SERPINA3: variants seen among roughly 807,000 people sequenced by gnomAD.
SERPINA3 encodes the protein alpha-1-antichymotrypsin.
SERPINA3 carries 32 observed loss-of-function variants against 26.8 expected under a neutral mutation model. That is an observed-to-expected ratio of 1.20 (90% CI 0.90 to 1.61). SERPINA3 has a LOEUF of 1.61. SERPINA3 is among the 40% of genes most tolerant of loss of function. The probability of loss-of-function intolerance (pLI) is 0.00; values close to 1 mark genes in which losing one functional copy is unlikely to be tolerated. For missense variants in SERPINA3, 632 were observed against 517.9 expected (o/e 1.22, Z -2.14); for synonymous variants, 252 against 206.4 (o/e 1.22, Z -1.89).
rs1298654384 is a variant in SERPINA3, at chr14:94,614,796, T to A, written c.355T>A (p.Phe119Ile). Residue 119 changes from phenylalanine to isoleucine, a missense_variant, in exon 2 of 5, where the codon TTC becomes ATC. Physicochemically the swap from Phe to Ile is conservative, Grantham distance 21. Coordinates refer to ENST00000393078, the MANE Select transcript of SERPINA3 (RefSeq NM_001085.5). ...ETSEAEIHQS[F>I]QHLLRTLNQS... ...TTCTGAGGCAGAAATTCACCAGAGC[T>A]TCCAGCACCTCCTGCGCACCCTCAA... 3 of 1,614,138 alleles carry A rather than the reference T, an allele frequency of 1.9e-6. No individual in the cohort carries two copies. Among genetic ancestry groups the A allele is most frequent in the Non-Finnish European group, 2.5e-6 (3 of 1,180,024 alleles).
At chr14:94,613,657 T>TG (rs1187901251) in intron 1 of SERPINA3, 3 of 152,220 alleles carry the variant, frequency 2.0e-5, no homozygotes, top group African/African-American at 7.2e-5. Flanking sequence ...AGTCCAAGTC[T>TG]GGGAGACTCC....
chr14:94,623,524 C>A, intron 4 of SERPINA3, 87 bp from the exon 5 acceptor site: 1 of 1,229,988 alleles, frequency 8.1e-7, no homozygotes, highest in Non-Finnish European at 1.2e-6. Context: ...GCTCAATGCA[C>A]ATTAGACCCC....
At chr14:94,613,159 C>T (rs1885846839) in intron 1 of SERPINA3, among the ~76,000 whole-genome samples, 1 of 143,882 alleles carries the variant, frequency 7.0e-6, no homozygotes, top group African/African-American at 2.9e-5. Flanking sequence ...CCACTGGCCT[C>T]CCCTCCTTCC....
Position 94,614,991 on chromosome 14 carries a change from G to A in SERPINA3, c.550G>A (p.Val184Met), listed in dbSNP as rs542255755. ...AAAKKLINDY[V>M]KNGTRGKITD... is the part of the protein sequence containing the mutation. Reference sequence around the variant, plus strand: ...AGCTAAGAAGCTCATCAACGACTACGTGAAGAATGGAACTAGGGGGAAAAT... The same window carrying A: ...AGCTAAGAAGCTCATCAACGACTACATGAAGAATGGAACTAGGGGGAAAAT... Residue 184 changes from valine (V) to methionine (M), a missense_variant, in exon 2 of 5, where the codon GTG (valine) becomes ATG (methionine). Coordinates refer to ENST00000393078, the MANE Select transcript of SERPINA3 (RefSeq NM_001085.5). 1.5e-4 allele frequency: 236 copies of A among 1,614,044 alleles called. No homozygotes were observed. The highest frequency in any genetic ancestry group is 7.4e-4 in the South Asian group (67 of 91,082).
chr14:94,622,747 A>G (rs1188692655), intron 4 of SERPINA3: 2 of 538,288 alleles, frequency 3.7e-6, no homozygotes, highest in Non-Finnish European at 6.7e-6. Flanking sequence ...ACCATTCCAC[A>G]CTATACCATT....
At chr14:94,618,492 T>A (rs1184613819) in intron 2 of SERPINA3, 2 of 153,582 alleles carry the variant, frequency 1.3e-5, no homozygotes, top group Admixed American at 6.4e-5. Context: ...TGAATATTCA[T>A]GGTCTGTAGA....
chr14:94,618,223 C>T lies in SERPINA3; in HGVS notation c.644-972C>T, dbSNP rs555769074. On this transcript the variant is annotated intron_variant, in intron 2 of 4. Transcript: ENST00000393078. ...TCCTTTTTAGATAAGGTGGAGTTTT[C>T]CTCCCTCTGCCTCTACCTCTACCTC... 6 of 152,230 alleles carry T rather than the reference C, an allele frequency of 3.9e-5. 1 individual carries two copies. In the East Asian group the frequency reaches 1.2e-3, roughly 29 times the overall value. 9.4% of individuals were successfully genotyped at this position (152,230 alleles called of 1,614,324 possible). A position where few individuals can be genotyped will look rare whatever the true frequency, so the allele number is the denominator to read the frequency against.
rs369983947 is a variant in SERPINA3 at position 94,622,501 on chromosome 14, T to C, written c.1068+10T>C. 21 of 1,613,900 alleles carry C rather than the reference T, an allele frequency of 1.3e-5. No homozygotes were observed. The highest frequency in any genetic ancestry group is 6.7e-5 in the African/African-American group (5 of 75,034). ...CCTAGCAGTCTCCCAGGTGAGTCTT[T>C]AGACTTGGGTCAATTCATCCTTTGT... is the stretch of plus-strand genomic sequence containing the variant. On this transcript the variant is annotated intron_variant, in intron 4 of 4. Coordinates refer to ENST00000393078, the MANE Select transcript of SERPINA3 (RefSeq NM_001085.5).
chr14:94,615,776 C>A (rs11160196), intron 2 of SERPINA3, among the ~76,000 whole-genome samples: 37,165 of 152,148 alleles, frequency 0.24, 4,587 homozygotes, highest in Middle Eastern at 0.4. Context: ...TGGTCCAGTG[C>A]CCAATCCCAT....
intron 2 of SERPINA3, among the ~76,000 whole-genome samples, chr14:94,617,364 T>C (rs1384234899): frequency 6.6e-6 from 1 of 152,028 alleles, no homozygotes; most frequent in Non-Finnish European, 1.5e-5. Flanking sequence ...ATTTTGGTCC[T>C]AGAAAGCCCA....
At chr14:94,617,798 C>A (rs1160573873) in intron 2 of SERPINA3, 1 of 152,152 alleles carries the variant, frequency 6.6e-6, no homozygotes, top group Admixed American at 6.5e-5. Flanking sequence ...AAAGGATTGA[C>A]AATTTTTTTT....
At position 94,623,910 on chromosome 14, in the gene SERPINA3, T is replaced by A. The variant is rs1243160924; in HGVS notation, c.*96T>A. 5 of 1,079,878 alleles carry A rather than the reference T, an allele frequency of 4.6e-6. No individual in the cohort carries two copies. The highest frequency in any genetic ancestry group is 7.1e-6 in the Non-Finnish European group (5 of 703,850). 66.9% of individuals were successfully genotyped at this position (1,079,878 alleles called of 1,614,324 possible). On this transcript the variant is annotated 3_prime_UTR_variant, in exon 5 of 5. Transcript: ENST00000393078. ...CACAGCCTGGCCCCTGTGCACCGAG[T>A]GGCCATGGCATGTGTGGCCCTGTCT...
intron 2 of SERPINA3, chr14:94,615,491 C>T: frequency 2.2e-6 from 1 of 459,330 alleles, no homozygotes; most frequent in Non-Finnish European, 4.4e-6. Context: ...GGGGCTCCTG[C>T]CCTGCACATG....
intron 2 of SERPINA3, 136 bp from the exon 3 acceptor site, chr14:94,619,059 T>A: frequency 1.0e-6 from 1 of 979,982 alleles, no homozygotes; most frequent in Non-Finnish European, 1.6e-6. Context: ...ACTTTTACTC[T>A]TGCCAAGCTA....
chr14:94,613,153 T>G (rs1056380825), intron 1 of SERPINA3, among the ~76,000 whole-genome samples: 4 of 151,876 alleles, frequency 2.6e-5, no homozygotes, highest in African/African-American at 9.7e-5. Context: ...GCATTTCCAC[T>G]GGCCTCCCCT....
intron 4 of SERPINA3, 99 bp from the exon 5 acceptor site, chr14:94,623,512 G>A: frequency 1.9e-6 from 2 of 1,077,116 alleles, no homozygotes; most frequent in East Asian, 2.4e-5. Context: ...CCAGCACTAG[G>A]TGCTCAATGC....
chr14:94,618,884 C>T (rs1379414986), intron 2 of SERPINA3: 3 of 492,852 alleles, frequency 6.1e-6, no homozygotes, highest in Admixed American at 6.6e-5. Context: ...CAGCCTCCCA[C>T]ATGTTGTCAT....
At chr14:94,622,246 T>G in intron 3 of SERPINA3, 95 bp from the exon 4 acceptor site, 1 of 1,141,478 alleles carries the variant, frequency 8.8e-7, no homozygotes, top group Middle Eastern at 2.0e-4. Flanking sequence ...AGGGGGTGAC[T>G]GTAGAGGAAA....
At chr14:94,619,493 C>T (rs528571459) in intron 3 of SERPINA3, 25 bp downstream of exon 3, 1 of 1,613,462 alleles carries the variant, frequency 6.2e-7, no homozygotes, top group East Asian at 2.2e-5. Context: ...CCCCCAAAGA[C>T]CCCACATCTC....
Sources: allele counts gnomAD v4.1 joint callset (sites outside exome capture counted in the v4.1 genomes callset), GRCh38; gene constraint gnomAD v4.1.1; transcripts MANE v1.5; gene names NCBI Gene and HGNC (gene_info 2026-07-23, HGNC 2026-07-21).